XYLB: variants seen among roughly 807,000 people sequenced by gnomAD.
The protein encoded by XYLB is xylulokinase.
Under a neutral mutation model 78.7 loss-of-function variants are expected in XYLB, and 62 were observed. The ratio of observed to expected loss-of-function variants is 0.79; its 90% CI spans 0.64 to 0.97. The LOEUF is 0.97. Ranked by LOEUF, XYLB falls within the 50% of genes least tolerant of loss-of-function variation. The probability of loss-of-function intolerance (pLI) is 0.00; values close to 1 mark genes in which losing one functional copy is unlikely to be tolerated. For missense variants in XYLB, 687 were observed against 676.8 expected, an observed-to-expected ratio of 1.02 and a Z score of -0.17; for synonymous variants, 245 against 247.4, an observed-to-expected ratio of 0.99 and a Z score of 0.09.
At chr3:38,429,493 T>G in the XYLB span, among the ~76,000 whole-genome samples, 1 of 152,156 alleles carries the variant, frequency 6.6e-6, no homozygotes, top group Non-Finnish European at 1.5e-5. Flanking sequence ...TCCTCTTAGT[T>G]CTGGAGGCCA....
chr3:38,409,767 T>A (rs1272106793), intron 18 of XYLB, among the ~76,000 whole-genome samples: 1 of 151,890 alleles, frequency 6.6e-6, no homozygotes. Context: ...AAATCATGAG[T>A]GAACTCCCAT....
At chr3:38,407,754 C>T (rs1388770139) in intron 18 of XYLB, among the ~76,000 whole-genome samples, 1 of 151,886 alleles carries the variant, frequency 6.6e-6, no homozygotes, top group Admixed American at 6.6e-5. Context: ...ATAAAACAGA[C>T]TTTAAACCAA....
In XYLB at chr3:38,375,312, G is replaced by C; in HGVS notation, c.1004+53G>C. 3 of 1,517,964 alleles carry C rather than the reference G, an allele frequency of 2.0e-6. No individual in the cohort carries two copies. The South Asian group carries it at 3.4e-5, about 17-fold the overall frequency. The allele number at this position is 1,517,964 out of a possible 1,614,324, so 94.0% of individuals were successfully genotyped here. A position where few individuals can be genotyped will look rare whatever the true frequency, so the allele number is the denominator to read the frequency against. ...TCCCTGGGTGAGGAGGTGTGGGCAG[G>C]TCTGGCACCATCTTGAGGACCCCAA... is the stretch of plus-strand genomic sequence containing the variant. On this transcript the variant is annotated intron_variant, in intron 12 of 18. Transcript: ENST00000207870.
chr3:38,400,874 T>C lies in XYLB; in HGVS notation c.1439-17T>C. 3 of 1,609,968 alleles carry C rather than the reference T, an allele frequency of 1.9e-6. No individual in the cohort carries two copies. The highest frequency in any genetic ancestry group is 2.5e-6 in the Non-Finnish European group (3 of 1,177,048). ...ACTTGCAACATGCACTAATGTGAAG[T>C]GACCTTTCCCTTCTAGGTCTTGCAG... On this transcript the variant is annotated splice_polypyrimidine_tract_variant and intron_variant, in intron 17 of 18. Coordinates refer to ENST00000207870, the MANE Select transcript of XYLB (RefSeq NM_005108.4).
intron 15 of XYLB, among the ~76,000 whole-genome samples, chr3:38,389,229 C>T (rs1707537001): frequency 6.8e-6 from 1 of 146,208 alleles, no homozygotes; most frequent in African/African-American, 2.6e-5. Flanking sequence ...TGAGTGGACA[C>T]AGCACATGTT....
At chr3:38,429,800 T>C in the XYLB span, among the ~76,000 whole-genome samples, 2 of 152,134 alleles carry the variant, frequency 1.3e-5, no homozygotes, top group Non-Finnish European at 2.9e-5. Flanking sequence ...AGTGAGAACA[T>C]GTGGTGTTTG....
At position 38,384,748 on chromosome 3, in the gene XYLB, C is replaced by T. The variant is rs116166566; in HGVS notation, c.1291+5406C>T. ...AGTTTCTGTGTTAGATTGAATCATA[C>T]GGAATTGCCAATATTGAAGAAGTTT... On this transcript the variant is annotated intron_variant, in intron 15 of 18. Transcript: ENST00000207870. 2.6e-3 allele frequency among the ~76,000 whole-genome samples: 395 copies of T among 152,226 alleles called. 4 individuals carry two copies. Among genetic ancestry groups the T allele is most frequent in the African/African-American group, 9.2e-3 (383 of 41,526 alleles).
chr3:38,375,634 C>G (rs545467846), intron 12 of XYLB, among the ~76,000 whole-genome samples: 24 of 152,276 alleles, frequency 1.6e-4, no homozygotes, highest in African/African-American at 5.3e-4. Flanking sequence ...GGTGGACCCT[C>G]AGCAAATGGC....
intron 15 of XYLB, among the ~76,000 whole-genome samples, chr3:38,384,858 A>T (rs1315680770): frequency 6.6e-6 from 1 of 152,186 alleles, no homozygotes; most frequent in Non-Finnish European, 1.5e-5. Context: ...ATTACATTCT[A>T]TGTGTTATTC....
At chr3:38,408,532 A>C (rs966365689) in intron 18 of XYLB, among the ~76,000 whole-genome samples, 1 of 151,832 alleles carries the variant, frequency 6.6e-6, no homozygotes, top group African/African-American at 2.4e-5. Context: ...AATAACTAAA[A>C]TCAGAGAAGA....
At chr3:38,423,431 A>G (rs1383834064), downstream of XYLB, among the ~76,000 whole-genome samples, 1 of 152,246 alleles carries the variant, frequency 6.6e-6, no homozygotes, top group African/African-American at 2.4e-5. Context: ...TCTTAGAGCC[A>G]TTAATTCGGT....
At chr3:38,355,052 T>C (rs820296) in intron 2 of XYLB, among the ~76,000 whole-genome samples, 136,101 of 152,224 alleles carry the variant, frequency 0.89, 61,438 homozygotes, top group East Asian at 1. Context: ...AATGTGACTG[T>C]AATTCCTCCC....
chr3:38,443,734 A>G, the XYLB span, among the ~76,000 whole-genome samples: 1 of 152,176 alleles, frequency 6.6e-6, no homozygotes, highest in African/African-American at 2.4e-5. Flanking sequence ...TTTTAGGATA[A>G]ATTGACCCTC....
In XYLB at chr3:38,370,124, C is replaced by T. The variant is rs770294499; in HGVS notation, c.715C>T (p.Pro239Ser). ...WSQACLGACA[P>S]HLEEKLSPPV... ...CCAGGCTTGCCTTGGTGCCTGTGCACCTCATTTAGAGGAGAAGCTTAGCCC... is the reference window on the plus strand; with the variant it reads ...CCAGGCTTGCCTTGGTGCCTGTGCATCTCATTTAGAGGAGAAGCTTAGCCC... The change falls in exon 9 of 19, where the codon CCT becomes TCT. Residue 239 changes from proline to serine, a missense_variant. Coordinates refer to ENST00000207870, the MANE Select transcript of XYLB (RefSeq NM_005108.4). 15 of 1,614,188 alleles carry T rather than the reference C, an allele frequency of 9.3e-6. No homozygotes were observed. Among genetic ancestry groups the T allele is most frequent in the Non-Finnish European group, 1.2e-5 (14 of 1,180,024 alleles).
chr3:38,360,414 C>T lies in XYLB; in HGVS notation c.210+6C>T, dbSNP rs573872686. 1.1e-5 allele frequency: 18 copies of T among 1,581,756 alleles called. No individual in the cohort carries two copies. The highest frequency in any genetic ancestry group is 4.6e-5 in the East Asian group (2 of 43,580). On this transcript the variant is annotated splice_donor_region_variant and intron_variant, in intron 3 of 18. Transcript: ENST00000207870. ...CAGTACTAATGTGGGTCCAGGTAAG[C>T]GCAGGGATTCCTATTCTCCTTCTAT... is the stretch of plus-strand genomic sequence containing the variant.
chr3:38,426,868 T>G, the XYLB span, among the ~76,000 whole-genome samples: 8 of 152,152 alleles, frequency 5.3e-5, no homozygotes, highest in Non-Finnish European at 8.8e-5. Flanking sequence ...TGCACACTGC[T>G]AAAAGTTGTT....
the XYLB span, chr3:38,453,015 G>A: frequency 1.3e-5 from 2 of 152,188 alleles, no homozygotes; most frequent in Non-Finnish European, 2.9e-5. Context: ...TTAGTTGGGA[G>A]CCCCATCACG....
At chr3:38,390,889 A>T (rs1453794716) in intron 15 of XYLB, among the ~76,000 whole-genome samples, 1 of 152,200 alleles carries the variant, frequency 6.6e-6, no homozygotes, top group East Asian at 1.9e-4. Flanking sequence ...TATAAAACAT[A>T]TTAATCAAAC....
downstream of XYLB, chr3:38,421,186 T>C (rs146930631): frequency 1.3e-5 from 2 of 152,502 alleles, no homozygotes; most frequent in African/African-American, 4.8e-5. Flanking sequence ...TTATACTGTA[T>C]TCCTGTGTCT....
Sources: allele counts gnomAD v4.1 joint callset (sites outside exome capture counted in the v4.1 genomes callset), GRCh38; gene constraint gnomAD v4.1.1; transcripts MANE v1.5; gene names NCBI Gene and HGNC (gene_info 2026-07-23, HGNC 2026-07-21).